SYNDIG1L: variants seen among roughly 807,000 people sequenced by gnomAD.
SYNDIG1L encodes synapse differentiation-inducing gene protein 1-like.
A neutral mutation model predicts 20.1 loss-of-function variants in SYNDIG1L; 13 were observed. The observed-to-expected ratio is 0.65, with a 90% confidence interval of 0.42 to 1.03. The LOEUF (loss-of-function observed/expected upper bound fraction) is 1.03. Ranked by LOEUF, SYNDIG1L falls within the 50% of genes least tolerant of loss-of-function variation. The pLI, the probability that SYNDIG1L is intolerant of heterozygous loss-of-function variation, is 0.00. For synonymous variants in SYNDIG1L, 128 were observed against 129.3 expected, an observed-to-expected ratio of 0.99 and a Z score of 0.07; for missense variants, 294 against 305.1, an observed-to-expected ratio of 0.96 and a Z score of 0.27.
chr14:74,420,388 G>A (rs1378305474), intron 1 of SYNDIG1L, among the ~76,000 whole-genome samples: 1 of 94,688 alleles, frequency 1.1e-5, no homozygotes, highest in African/African-American at 4.6e-5. Flanking sequence ...GTGAGACTCT[G>A]TCAAAAAAAA....
chr14:74,418,600 A>G (rs561639333), intron 1 of SYNDIG1L, among the ~76,000 whole-genome samples: 27 of 152,202 alleles, frequency 1.8e-4, no homozygotes, highest in Non-Finnish European at 3.4e-4. Context: ...AACTGCTTCA[A>G]CCACAGAGCA....
Position 74,406,075 on chromosome 14 carries a change from G to T in SYNDIG1L, c.*1460C>A, listed in dbSNP as rs1339073642. 1.3e-5 allele frequency: 5 copies of T among 398,518 alleles called. No individual in the cohort carries two copies. The highest frequency in any genetic ancestry group is 2.2e-5 in the Non-Finnish European group (5 of 226,136). The allele number at this position is 398,518 out of a possible 1,614,324, so 24.7% of individuals were successfully genotyped here. A position where few individuals can be genotyped will look rare whatever the true frequency, so the allele number is the denominator to read the frequency against. ...CTGGATGGGGCATGGGAATGACCAGGTTCCCACATCATGCACAGCAGGGGC... is the reference window on the plus strand; with the variant it reads ...CTGGATGGGGCATGGGAATGACCAGTTTCCCACATCATGCACAGCAGGGGC... On this transcript the variant is annotated 3_prime_UTR_variant, in exon 4 of 4. Transcript: ENST00000331628.
the SYNDIG1L span, among the ~76,000 whole-genome samples, chr14:74,454,005 A>G: frequency 5.9e-5 from 9 of 152,236 alleles, no homozygotes; most frequent in Admixed American, 5.2e-4. Flanking sequence ...AAAAAACTGA[A>G]TAAAAATACA....
the SYNDIG1L span, among the ~76,000 whole-genome samples, chr14:74,447,389 A>T: frequency 6.6e-6 from 1 of 152,268 alleles, no homozygotes; most frequent in South Asian, 2.1e-4. Flanking sequence ...CAGGAGTTCG[A>T]GACCCTGGCC....
At chr14:74,422,149 G>A (rs773768296) in intron 1 of SYNDIG1L, among the ~76,000 whole-genome samples, 9 of 152,160 alleles carry the variant, frequency 5.9e-5, no homozygotes, top group Non-Finnish European at 1.0e-4. Context: ...ACATCTAATG[G>A]CGGAAGATAA....
the SYNDIG1L span, among the ~76,000 whole-genome samples, chr14:74,447,381 G>A: frequency 6.6e-6 from 1 of 152,140 alleles, no homozygotes; most frequent in African/African-American, 2.4e-5. Context: ...CCTGAGGTCA[G>A]GAGTTCGAGA....
chr14:74,425,057 AG>A (rs1448014389), intron 1 of SYNDIG1L, among the ~76,000 whole-genome samples: 5 of 152,196 alleles, frequency 3.3e-5, no homozygotes, highest in South Asian at 2.1e-4. Context: ...GTCAGCCACA[AG>A]GGTAGGCCAA....
At chr14:74,435,905 A>T in the SYNDIG1L span, among the ~76,000 whole-genome samples, 556 of 152,320 alleles carry the variant, frequency 3.7e-3, 2 homozygotes, top group African/African-American at 0.013. Flanking sequence ...AGAGGCATAG[A>T]GTGAGTGTGT....
At chr14:74,443,197 C>G in the SYNDIG1L span, among the ~76,000 whole-genome samples, 324 of 152,190 alleles carry the variant, frequency 2.1e-3, 2 homozygotes, top group Admixed American at 4.1e-3. Context: ...GAAGAATGAA[C>G]CTGAAAAGGA....
the SYNDIG1L span, chr14:74,476,412 T>G: frequency 1.1e-6 from 1 of 890,816 alleles, no homozygotes; most frequent in Non-Finnish European, 1.8e-6. Context: ...ACATATGATT[T>G]GTGGAGGACG....
chr14:74,469,074 T>C, the SYNDIG1L span, among the ~76,000 whole-genome samples: 2 of 152,152 alleles, frequency 1.3e-5, no homozygotes, highest in South Asian at 2.1e-4. Flanking sequence ...GGTGAGGTTA[T>C]ATGGGCTGCA....
chr14:74,456,971 G>T, the SYNDIG1L span, among the ~76,000 whole-genome samples: 6 of 152,156 alleles, frequency 3.9e-5, no homozygotes, highest in Non-Finnish European at 7.4e-5. Context: ...CCCTGAGAGA[G>T]ATGCTATCAG....
In SYNDIG1L at chr14:74,406,347, C is replaced by T. The variant is rs1022191446; in HGVS notation, c.*1188G>A. 1 of 343,906 alleles carries T rather than the reference C, an allele frequency of 2.9e-6. No individual in the cohort carries two copies. Among genetic ancestry groups the T allele is most frequent in the Non-Finnish European group, 5.2e-6 (1 of 191,598 alleles). 21.3% of individuals were successfully genotyped at this position (343,906 alleles called of 1,614,324 possible). On this transcript the variant is annotated 3_prime_UTR_variant, in exon 4 of 4. Transcript: ENST00000331628. The stretch of plus-strand genomic sequence containing the variant: ...ACGTTCCTCCTTGAGTTGGCAGAAC[C>T]CTTAGGAATGGCTGTAGTTTGGCTC...
chr14:74,448,350 G>T, the SYNDIG1L span, among the ~76,000 whole-genome samples: 1 of 152,056 alleles, frequency 6.6e-6, no homozygotes, highest in Non-Finnish European at 1.5e-5. Flanking sequence ...AAGAAGGCTG[G>T]AGCTGAAATC....
rs377739943 is a variant in SYNDIG1L at position 74,407,546 on chromosome 14, C to G, written c.706G>C (p.Gly236Arg). ...VALAAYMSQNGHG is the reference protein window; with the variant it reads ...VALAAYMSQNRHG ...GGCCCTACTGGCTACTAGCCATGACCGTTCTGGGACATGTAAGCTGCCAGA... is the reference window on the plus strand; with the variant it reads ...GGCCCTACTGGCTACTAGCCATGACGGTTCTGGGACATGTAAGCTGCCAGA... Residue 236 changes from glycine (G) to arginine (R), a missense_variant, in exon 4 of 4, where the codon GGT becomes CGT. Coordinates refer to ENST00000331628, the MANE Select transcript of SYNDIG1L (RefSeq NM_001105579.2). 6.2e-6 allele frequency: 10 copies of G among 1,613,874 alleles called. No homozygotes were observed. The highest frequency in any genetic ancestry group is 8.5e-6 in the Non-Finnish European group (10 of 1,179,904).
chr14:74,426,726 T>G (rs1027497524), upstream of SYNDIG1L, among the ~76,000 whole-genome samples: 1 of 10,850 alleles, frequency 9.2e-5, no homozygotes, highest in African/African-American at 3.5e-4. Context: ...CCTGCCCCCC[T>G]CCCCCTGTCC....
the SYNDIG1L span, among the ~76,000 whole-genome samples, chr14:74,438,775 ACT>A: frequency 6.6e-6 from 1 of 152,126 alleles, no homozygotes; most frequent in Non-Finnish European, 1.5e-5. Context: ...AGCCCTAGTG[ACT>A]GCTCACTACC....
the SYNDIG1L span, among the ~76,000 whole-genome samples, chr14:74,449,166 A>G: frequency 6.6e-6 from 1 of 151,946 alleles, no homozygotes; most frequent in East Asian, 1.9e-4. Context: ...CCTGGAGGTC[A>G]AGGCTGCAGG....
the SYNDIG1L span, among the ~76,000 whole-genome samples, chr14:74,457,073 G>A: frequency 6.6e-6 from 1 of 152,226 alleles, no homozygotes; most frequent in East Asian, 1.9e-4. Flanking sequence ...GGGCCAGCGT[G>A]CCCAAGGCCT....
Sources: allele counts gnomAD v4.1 joint callset (sites outside exome capture counted in the v4.1 genomes callset), GRCh38; gene constraint gnomAD v4.1.1; transcripts MANE v1.5; gene names NCBI Gene and HGNC (gene_info 2026-07-23, HGNC 2026-07-21).